RASA1: variants seen among roughly 807,000 people sequenced by gnomAD.
RASA1 encodes RAS p21 protein activator 1.
Under a neutral mutation model 132.2 loss-of-function variants are expected in RASA1, and 25 were observed. That is an observed-to-expected ratio of 0.19 (90% CI 0.14 to 0.26). The LOEUF is 0.26. RASA1 is among the 10% of genes least tolerant of loss of function. The pLI, the probability that RASA1 is intolerant of heterozygous loss-of-function variation, is 1.00. For missense variants in RASA1, 964 were observed against 1,299.2 expected (o/e 0.74, Z 3.97); for synonymous variants, 477 against 449.9 (o/e 1.06, Z -0.76).
intron 1 of RASA1, among the ~76,000 whole-genome samples, chr5:87,285,266 A>G (rs1205455246): frequency 6.6e-6 from 1 of 151,534 alleles, no homozygotes; most frequent in African/African-American, 2.4e-5. Flanking sequence ...ATGGGGTTTC[A>G]CTATGTTGGC....
At chr5:87,328,431 A>G (rs1369591438) in intron 1 of RASA1, among the ~76,000 whole-genome samples, 1 of 152,124 alleles carries the variant, frequency 6.6e-6, no homozygotes, top group Non-Finnish European at 1.5e-5. Flanking sequence ...TTGATTAAAT[A>G]TGTTTTCTTG....
chr5:87,306,385 G>C (rs1468015437), intron 1 of RASA1, among the ~76,000 whole-genome samples: 2 of 152,146 alleles, frequency 1.3e-5, no homozygotes, highest in African/African-American at 4.8e-5. Context: ...GTCAAATACT[G>C]CATGCTCTCA....
chr5:87,374,098 T>G (rs1761142879), intron 13 of RASA1, 65 bp from the exon 14 acceptor site: 1 of 1,243,314 alleles, frequency 8.0e-7, no homozygotes, highest in Admixed American at 3.7e-5. Flanking sequence ...AGTAATTGCT[T>G]TTGAAATGTA....
chr5:87,321,477 C>T (rs1756800623), intron 1 of RASA1, among the ~76,000 whole-genome samples: 1 of 152,172 alleles, frequency 6.6e-6, no homozygotes, highest in Non-Finnish European at 1.5e-5. Flanking sequence ...GAACTTCTAC[C>T]AGATGGCTTC....
At chr5:87,342,646 G>A (rs889315875) in intron 6 of RASA1, among the ~76,000 whole-genome samples, 3 of 152,148 alleles carry the variant, frequency 2.0e-5, no homozygotes, top group East Asian at 1.9e-4. Context: ...AACACTGTAC[G>A]TGTGGTAATA....
chr5:87,320,413 A>G (rs1756698273), intron 1 of RASA1, among the ~76,000 whole-genome samples: 1 of 152,202 alleles, frequency 6.6e-6, no homozygotes, highest in African/African-American at 2.4e-5. Context: ...TGGGTAATTT[A>G]TGAAGAAAAG....
At chr5:87,333,855 C>G (rs1000359888) in intron 4 of RASA1, among the ~76,000 whole-genome samples, 1 of 152,102 alleles carries the variant, frequency 6.6e-6, no homozygotes, top group Non-Finnish European at 1.5e-5. Flanking sequence ...TTAATTCTCT[C>G]ATTTAATTCT....
At chr5:87,373,886 G>A (rs911628322) in intron 13 of RASA1, among the ~76,000 whole-genome samples, 1 of 151,862 alleles carries the variant, frequency 6.6e-6, no homozygotes, top group Non-Finnish European at 1.5e-5. Flanking sequence ...GGTAGAAAAG[G>A]TGTATTTCAT....
intron 8 of RASA1, 90 bp downstream of exon 8, chr5:87,349,454 A>C: frequency 7.0e-7 from 1 of 1,430,276 alleles, no homozygotes; most frequent in Non-Finnish European, 9.6e-7. Flanking sequence ...ATTATATAAA[A>C]GTTTCTAACT....
intron 6 of RASA1, among the ~76,000 whole-genome samples, chr5:87,343,138 A>T (rs554794400): frequency 6.6e-6 from 1 of 152,302 alleles, no homozygotes; most frequent in South Asian, 2.1e-4. Flanking sequence ...CCTCAGTAAC[A>T]TCTACAAGTA....
chr5:87,345,152 G>A (rs575242912), intron 6 of RASA1, among the ~76,000 whole-genome samples: 4 of 152,196 alleles, frequency 2.6e-5, no homozygotes, highest in Admixed American at 2.6e-4. Context: ...CCTAGGAGTA[G>A]GAACTTTATA....
chr5:87,383,591 T>C, intron 20 of RASA1, 122 bp from the exon 21 acceptor site: 3 of 696,404 alleles, frequency 4.3e-6, no homozygotes, highest in Non-Finnish European at 7.1e-6. Context: ...CTTTTATTGG[T>C]TTAGAGTGAA....
At chr5:87,274,831 A>G (rs1003916707) in intron 1 of RASA1, among the ~76,000 whole-genome samples, 6 of 152,236 alleles carry the variant, frequency 3.9e-5, no homozygotes, top group Admixed American at 3.9e-4. Context: ...TCTTCGCTTA[A>G]TGATTCTATC....
chr5:87,377,862 T>C (rs1029854902), intron 17 of RASA1, among the ~76,000 whole-genome samples: 3 of 152,204 alleles, frequency 2.0e-5, no homozygotes, highest in Non-Finnish European at 4.4e-5. Flanking sequence ...TCACAAAATA[T>C]AGATTTGTCA....
At chr5:87,355,018 T>C (rs550921443) in intron 9 of RASA1, among the ~76,000 whole-genome samples, 2 of 152,156 alleles carry the variant, frequency 1.3e-5, no homozygotes, top group East Asian at 3.9e-4. Context: ...CTACCAGAGA[T>C]TGATTCATAA....
chr5:87,317,018 G>T (rs1176258458), intron 1 of RASA1, among the ~76,000 whole-genome samples: 2 of 152,092 alleles, frequency 1.3e-5, no homozygotes, highest in African/African-American at 4.8e-5. Flanking sequence ...GAGTAGCTGG[G>T]ATTACAGGCG....
At chr5:87,385,641 T>A (rs1235271891) in intron 22 of RASA1, among the ~76,000 whole-genome samples, 1 of 152,098 alleles carries the variant, frequency 6.6e-6, no homozygotes, top group African/African-American at 2.4e-5. Flanking sequence ...TTCTCCCACT[T>A]TTAAACATAA....
chr5:87,342,697 T>G (rs182260680), intron 6 of RASA1, among the ~76,000 whole-genome samples: 56 of 152,230 alleles, frequency 3.7e-4, no homozygotes, highest in Admixed American at 9.8e-4. Context: ...GGGAAAACTG[T>G]GGGAAGTAGA....
chr5:87,388,593 A>T (rs1762232779), intron 23 of RASA1, among the ~76,000 whole-genome samples: 2 of 152,172 alleles, frequency 1.3e-5, no homozygotes, highest in Non-Finnish European at 2.9e-5. Flanking sequence ...TTCAACCTAT[A>T]CTATAAACTT....
Sources: gnomAD v4.1 joint callset for allele counts (sites outside exome capture counted in the v4.1 genomes callset) on GRCh38, gnomAD v4.1.1 for gene constraint, MANE v1.5 for transcripts, NCBI Gene and HGNC (gene_info 2026-07-23, HGNC 2026-07-21) for gene names.